RRM2: variants seen among roughly 807,000 people sequenced by gnomAD.
RRM2 encodes ribonucleoside-diphosphate reductase subunit M2.
A neutral mutation model predicts 45.9 loss-of-function variants in RRM2; 6 were observed. The ratio of observed to expected loss-of-function variants is 0.13; its 90% CI spans 0.07 to 0.26. RRM2 has a LOEUF of 0.26. Ranked by LOEUF, RRM2 falls within the 10% of genes least tolerant of loss-of-function variation. The pLI, the probability that RRM2 is intolerant of heterozygous loss-of-function variation, is 1.00. For missense variants in RRM2, 343 were observed against 489.5 expected (o/e 0.70, Z 2.82); for synonymous variants, 177 against 173.0 (o/e 1.02, Z -0.18).
At chr2:10,160,276 C>G (rs1243567608) in intron 3 of RRM2, among the ~76,000 whole-genome samples, 2 of 152,196 alleles carry the variant, frequency 1.3e-5, no homozygotes, top group Non-Finnish European at 2.9e-5. Flanking sequence ...AATCCAAATG[C>G]CTTCTGAGCT....
rs759631095 is a variant in RRM2, at chr2:10,123,142, C to T, written c.174+85C>T. On this transcript the variant is annotated intron_variant, in intron 2 of 9. Transcript: ENST00000304567. ...GCCGCATTGTTTCCTCAGCTGTTCA[C>T]ACTCCCGCCCCGGCTCCTTTCCCGC... 845 of 1,418,462 alleles carry T rather than the reference C, an allele frequency of 6.0e-4. 2 individuals are homozygous for T. The highest frequency in any genetic ancestry group is 7.3e-4 in the Non-Finnish European group (782 of 1,068,746). The allele number at this position is 1,418,462 out of a possible 1,614,324, so 87.9% of individuals were successfully genotyped here.
intron 5 of RRM2, among the ~76,000 whole-genome samples, chr2:10,126,141 A>G (rs1662772400): frequency 7.1e-6 from 1 of 141,488 alleles, no homozygotes; most frequent in South Asian, 2.4e-4. Flanking sequence ...CCTGGGCAAC[A>G]GAGTGAGACC....
intron 3 of RRM2, among the ~76,000 whole-genome samples, chr2:10,187,958 G>A (rs1318640934): frequency 5.3e-5 from 8 of 152,124 alleles, no homozygotes; most frequent in South Asian, 4.1e-4. Flanking sequence ...CAAGTTCTCC[G>A]GCCCCACACT....
upstream of RRM2, among the ~76,000 whole-genome samples, chr2:10,137,181 C>T (rs574149966): frequency 8.5e-5 from 13 of 152,250 alleles, no homozygotes; most frequent in African/African-American, 2.6e-4. Flanking sequence ...CAGATATGGC[C>T]GGGAGGCTCA....
chr2:10,151,877 T>C (rs1190529024), intron 3 of RRM2, among the ~76,000 whole-genome samples: 1 of 152,240 alleles, frequency 6.6e-6, no homozygotes, highest in East Asian at 1.9e-4. Context: ...CCTTTTTAAA[T>C]GTACTTATTT....
intron 3 of RRM2, among the ~76,000 whole-genome samples, chr2:10,194,713 G>T (rs1390754810): frequency 1.3e-5 from 2 of 152,226 alleles, no homozygotes; most frequent in Non-Finnish European, 2.9e-5. Flanking sequence ...TCTGGAGCGG[G>T]CTCAGTGGGG....
intron 3 of RRM2, among the ~76,000 whole-genome samples, chr2:10,157,021 T>TTTC (rs1553324725): frequency 1.5e-5 from 2 of 134,280 alleles, no homozygotes; most frequent in African/African-American, 5.6e-5. Context: ...CATTTCTTTT[T>TTTC]TTTTTTTTTT....
downstream of RRM2, among the ~76,000 whole-genome samples, chr2:10,133,750 C>T (rs568914050): frequency 2.7e-5 from 4 of 147,312 alleles, no homozygotes; most frequent in South Asian, 8.5e-4. Flanking sequence ...GAACCCATTG[C>T]TGCTTAAGGT....
chr2:10,198,974 G>A (rs567590613), intron 3 of RRM2: 5 of 152,226 alleles, frequency 3.3e-5, no homozygotes, highest in South Asian at 2.1e-4. Context: ...GGATTTAGGC[G>A]GTTTTTAATC....
In RRM2 at chr2:10,129,061, G is replaced by T. The variant is rs1453855728; in HGVS notation, c.924G>T (p.Leu308Phe). 2.5e-6 allele frequency: 4 copies of T among 1,614,056 alleles called. No individual in the cohort carries two copies. The highest frequency in any genetic ancestry group is 3.4e-6 in the Non-Finnish European group (4 of 1,180,020). The change falls in exon 9 of 10, where the codon TTG becomes TTT. Residue 308 changes from leucine (L) to phenylalanine (F), a missense_variant. This residue lies in a region of RRM2 where 212 missense variants were observed against 368.1 expected (regional missense o/e 0.58). Transcript: ENST00000304567. This position sits in a 1 kb window ranked among gnomAD's most constrained non-coding sequence, Gnocchi z 4.8. The part of the protein sequence containing the change: ...RIEQEFLTEA[L>F]PVKLIGMNCT... ...CCTAGGAGTTCCTCACTGAGGCCTTGCCTGTGAAGCTCATTGGGATGAATT... is the reference window on the plus strand; with the variant it reads ...CCTAGGAGTTCCTCACTGAGGCCTTTCCTGTGAAGCTCATTGGGATGAATT...
chr2:10,165,905 G>A (rs1461277097), intron 3 of RRM2, among the ~76,000 whole-genome samples: 1 of 152,232 alleles, frequency 6.6e-6, no homozygotes, highest in Non-Finnish European at 1.5e-5. Flanking sequence ...ATCTTTTGCT[G>A]AGGAGCTGGG....
At chr2:10,179,254 C>T (rs1663995232) in intron 3 of RRM2, among the ~76,000 whole-genome samples, 1 of 152,138 alleles carries the variant, frequency 6.6e-6, no homozygotes, top group Non-Finnish European at 1.5e-5. Flanking sequence ...CTGGGTTCAG[C>T]TATTCTCATG....
rs1465160129 is a variant in RRM2, at chr2:10,146,512, C to A, written n.482+4137C>A. ...TGTCCCCACCTGCCACCTGCTGGTC[C>A]ATCCATTCAGCCGTTGCACGGACAG... On this transcript the variant is annotated intron_variant and non_coding_transcript_variant, in intron 3 of 3. Transcript: ENST00000381786. Among the ~76,000 whole-genome samples the A allele has an allele frequency of 2.6e-5, 4 of 152,342 alleles. No individual in the cohort carries two copies. In the East Asian group the frequency reaches 5.8e-4, roughly 22 times the overall value.
chr2:10,201,749 A>G (rs1055849641), intron 3 of RRM2, among the ~76,000 whole-genome samples: 2 of 152,232 alleles, frequency 1.3e-5, no homozygotes, highest in South Asian at 4.1e-4. Flanking sequence ...ATTACTGATA[A>G]TGTACACTAA....
At chr2:10,209,069 T>G (rs982302539) in intron 3 of RRM2, among the ~76,000 whole-genome samples, 2 of 96,728 alleles carry the variant, frequency 2.1e-5, no homozygotes, top group Non-Finnish European at 5.1e-5. Flanking sequence ...TTTTTTTTTT[T>G]TTTTGAGATG....
intron 3 of RRM2, among the ~76,000 whole-genome samples, chr2:10,168,435 C>T (rs1353589638): frequency 1.3e-5 from 2 of 152,200 alleles, no homozygotes; most frequent in Admixed American, 1.3e-4. Flanking sequence ...GGGCCTCCTT[C>T]CTGGGAGTGA....
At chr2:10,190,813 G>T (rs961155509) in intron 3 of RRM2, among the ~76,000 whole-genome samples, 1 of 150,652 alleles carries the variant, frequency 6.6e-6, no homozygotes, top group African/African-American at 2.4e-5. Flanking sequence ...GTGGTGATGA[G>T]TGTGATGATA....
chr2:10,170,224 A>T (rs1197499372), intron 3 of RRM2, among the ~76,000 whole-genome samples: 1 of 152,140 alleles, frequency 6.6e-6, no homozygotes, highest in Non-Finnish European at 1.5e-5. Context: ...ATTACCTTTC[A>T]TATTTCCTCT....
intron 3 of RRM2, among the ~76,000 whole-genome samples, chr2:10,160,653 C>T (rs79512904): frequency 0.029 from 4,435 of 152,300 alleles, 100 homozygotes; most frequent in East Asian, 0.12. Flanking sequence ...TGCCCCAGGA[C>T]CACCCGTGCA....
Sources: allele counts gnomAD v4.1 joint callset (sites outside exome capture counted in the v4.1 genomes callset), GRCh38; gene constraint gnomAD v4.1.1; regional missense constraint gnomAD v4.1.1; non-coding constraint Gnocchi (gnomAD v3.1); transcripts MANE v1.5; gene names NCBI Gene and HGNC (gene_info 2026-07-23, HGNC 2026-07-21).